The following MRPL3 variants were observed in gnomAD, a reference collection of about 807,000 sequenced individuals.
The protein encoded by MRPL3 is large ribosomal subunit protein uL3m.
Under a neutral mutation model 44.3 loss-of-function variants are expected in MRPL3, and 43 were observed. That is an observed-to-expected ratio of 0.97 (90% confidence interval 0.76 to 1.25). MRPL3 has a LOEUF of 1.25. MRPL3 is among the 50% of genes most tolerant of loss of function. The pLI, the probability that MRPL3 is intolerant of heterozygous loss-of-function variation, is 0.00. For missense variants in MRPL3, 406 were observed against 427.6 expected, an observed-to-expected ratio of 0.95 and a Z score of 0.45; for synonymous variants, 171 against 152.3, an observed-to-expected ratio of 1.12 and a Z score of -0.91.
chr3:131,495,517 A>T (rs1323689508), intron 4 of MRPL3, among the ~76,000 whole-genome samples: 1 of 152,190 alleles, frequency 6.6e-6, no homozygotes, highest in Non-Finnish European at 1.5e-5. Flanking sequence ...GTTTACGTAA[A>T]TTAAGTGGGT....
chr3:131,487,845 T>C, intron 5 of MRPL3, 105 bp from the exon 6 acceptor site: 1 of 795,246 alleles, frequency 1.3e-6, no homozygotes, highest in Non-Finnish European at 2.0e-6. Context: ...ATTTCAAAAA[T>C]GGTAAGAGAT....
At chr3:131,482,922 T>C (rs746200822) in intron 6 of MRPL3, among the ~76,000 whole-genome samples, 5 of 152,044 alleles carry the variant, frequency 3.3e-5, no homozygotes, top group South Asian at 2.1e-4. Flanking sequence ...TACCTAACAC[T>C]GCTCCCTAAC....
chr3:131,481,399 G>A (rs1933982854), intron 6 of MRPL3, among the ~76,000 whole-genome samples: 1 of 152,156 alleles, frequency 6.6e-6, no homozygotes, highest in South Asian at 2.1e-4. Context: ...CATTTATTAT[G>A]TGCCAGGCCT....
In MRPL3 at chr3:131,481,815, C is replaced by T. The variant is rs201020125; in HGVS notation, c.629+5865G>A. Among the ~76,000 whole-genome samples the T allele has an allele frequency of 3.2e-4, 49 of 152,286 alleles. No homozygotes were observed. In the South Asian group the frequency reaches 7.9e-3, roughly 24 times the overall value. On this transcript the variant is annotated intron_variant, in intron 6 of 9. Transcript: ENST00000264995. ...AATTGTTTCACTAATACGTTAAAAA[C>T]GTACTGCTTTGAATACCCAGTACAT...
intron 9 of MRPL3, among the ~76,000 whole-genome samples, chr3:131,464,170 C>CAAA (rs547979280): frequency 6.6e-6 from 1 of 151,114 alleles, no homozygotes; most frequent in African/African-American, 2.4e-5. Context: ...AAAACCCAAG[C>CAAA]AAAAAAAACA....
At chr3:131,492,988 C>T (rs909933058) in intron 4 of MRPL3, among the ~76,000 whole-genome samples, 4 of 152,168 alleles carry the variant, frequency 2.6e-5, no homozygotes, top group African/African-American at 9.7e-5. Flanking sequence ...AAAAGTTATG[C>T]CACTTTTTAT....
chr3:131,500,903 T>G (rs972939795), intron 2 of MRPL3, among the ~76,000 whole-genome samples: 11 of 152,244 alleles, frequency 7.2e-5, no homozygotes, highest in Admixed American at 2.0e-4. Context: ...AGAAGTTAGC[T>G]GAGGCTATAG....
In MRPL3 at chr3:131,471,299, G is replaced by C. The variant is rs1304167917; in HGVS notation, c.630-20C>G. The C allele has an allele frequency of 2.6e-6, 4 of 1,514,176 alleles. No homozygotes were observed. The highest frequency in any genetic ancestry group is 2.8e-6 in the Non-Finnish European group (3 of 1,089,252). The allele number at this position is 1,514,176 out of a possible 1,614,324, so 93.8% of individuals were successfully genotyped here. On this transcript the variant is annotated intron_variant, in intron 6 of 9. Coordinates refer to ENST00000264995, the MANE Select transcript of MRPL3 (RefSeq NM_007208.4). ...CCAATACTGAACAAAACAAACGTTAGAATTTACATAATGAAAAGAGCATAG... is the reference window on the plus strand; with the variant it reads ...CCAATACTGAACAAAACAAACGTTACAATTTACATAATGAAAAGAGCATAG...
At chr3:131,468,963 C>T (rs1933680648) in intron 8 of MRPL3, among the ~76,000 whole-genome samples, 3 of 151,936 alleles carry the variant, frequency 2.0e-5, no homozygotes, top group Admixed American at 6.6e-5. Context: ...TTATTTTCTT[C>T]TTTGTACTTC....
chr3:131,487,657 G>C, intron 6 of MRPL3, 23 bp downstream of exon 6: 4 of 1,585,416 alleles, frequency 2.5e-6, no homozygotes, highest in Non-Finnish European at 3.4e-6. Context: ...AAAAGGAAAA[G>C]AGAACTCGCT....
intron 5 of MRPL3, 116 bp from the exon 6 acceptor site, chr3:131,487,856 T>G: frequency 1.4e-6 from 1 of 722,616 alleles, no homozygotes; most frequent in South Asian, 1.9e-5. Flanking sequence ...GGTAAGAGAT[T>G]CTCTTCTGCA....
intron 6 of MRPL3, among the ~76,000 whole-genome samples, chr3:131,473,882 G>A (rs1933793351): frequency 6.6e-6 from 1 of 152,070 alleles, no homozygotes; most frequent in African/African-American, 2.4e-5. Context: ...CAGTTAGAAT[G>A]GCTACTGTCA....
At chr3:131,487,853 G>A (rs1233173509) in intron 5 of MRPL3, 113 bp from the exon 6 acceptor site, 2 of 739,098 alleles carry the variant, frequency 2.7e-6, no homozygotes, top group East Asian at 2.7e-5. Flanking sequence ...AATGGTAAGA[G>A]ATTCTCTTCT....
intron 6 of MRPL3, 44 bp from the exon 7 acceptor site, chr3:131,471,323 A>G (rs1215936726): frequency 1.5e-6 from 2 of 1,325,832 alleles, no homozygotes; most frequent in East Asian, 2.3e-5. Context: ...AAAAGAGCAT[A>G]GACCATTCCC....
chr3:131,484,624 G>A (rs1304536428), intron 6 of MRPL3, among the ~76,000 whole-genome samples: 1 of 152,172 alleles, frequency 6.6e-6, no homozygotes, highest in Non-Finnish European at 1.5e-5. Flanking sequence ...ATGTGTACAT[G>A]TACAGACGTG....
intron 6 of MRPL3, among the ~76,000 whole-genome samples, chr3:131,474,602 T>A (rs1335131837): frequency 6.6e-6 from 1 of 152,282 alleles, no homozygotes; most frequent in East Asian, 1.9e-4. Flanking sequence ...ACTACCCTAA[T>A]TTGATCATTA....
chr3:131,463,550 G>A (rs146443223), intron 9 of MRPL3, among the ~76,000 whole-genome samples: 2 of 152,200 alleles, frequency 1.3e-5, no homozygotes, highest in East Asian at 1.9e-4. Flanking sequence ...TGAGCAACAA[G>A]AACCAATCCT....
At chr3:131,466,222 T>A (rs1455242311) in intron 9 of MRPL3, among the ~76,000 whole-genome samples, 6 of 152,114 alleles carry the variant, frequency 3.9e-5, no homozygotes, top group African/African-American at 9.6e-5. Context: ...TGAAAAAAAA[T>A]ATATAAGGAA....
At chr3:131,471,325 AC>A in intron 6 of MRPL3, 46 bp from the exon 7 acceptor site, 1 of 1,305,456 alleles carries the variant, frequency 7.7e-7, no homozygotes, top group African/African-American at 1.5e-5. Context: ...AAGAGCATAG[AC>A]CATTCCCAAT....
Sources: allele counts gnomAD v4.1 joint callset (sites outside exome capture counted in the v4.1 genomes callset), GRCh38; gene constraint gnomAD v4.1.1; transcripts MANE v1.5; gene names NCBI Gene and HGNC (gene_info 2026-07-23, HGNC 2026-07-21).